FAM149B1: variants seen among roughly 807,000 people sequenced by gnomAD.
FAM149B1 encodes the protein family with sequence similarity 149 member B1.
In FAM149B1, 56 loss-of-function variants were observed where a neutral mutation model predicts 75.3. That is an observed-to-expected ratio of 0.74 (90% CI 0.60 to 0.93). The LOEUF (loss-of-function observed/expected upper bound fraction) is 0.93, where lower values mean the gene tolerates loss of function less well. Among genes scored for constraint, FAM149B1 ranks in the 40% least tolerant of loss-of-function variants. The probability of loss-of-function intolerance (pLI) is 0.00; values close to 1 mark genes in which losing one functional copy is unlikely to be tolerated. For missense variants in FAM149B1, 639 were observed against 708.4 expected (o/e 0.90, Z 1.11); for synonymous variants, 259 against 256.1 (o/e 1.01, Z -0.11).
At position 73,204,801 on chromosome 10, in the gene FAM149B1, G is replaced by T. The variant is rs1277713656; in HGVS notation, c.543-3818G>T. On this transcript the variant is annotated intron_variant, in intron 5 of 13. Coordinates refer to ENST00000242505, the MANE Select transcript of FAM149B1 (RefSeq NM_173348.2). ...TTTTTTTTTTTTTTTTTTTTGAGAC[G>T]GAGTCTCGCTCTGACGCCCAGGCTG... Among the ~76,000 whole-genome samples the T allele has an allele frequency of 2.0e-4, 26 of 127,306 alleles. No individual in the cohort carries two copies. In the East Asian group the frequency reaches 5.7e-3, roughly 28 times the overall value. The allele number at this position is 127,306 out of a possible 152,430, so 83.5% of individuals were successfully genotyped here.
In FAM149B1 at chr10:73,244,313, T is replaced by G. The variant is rs889465416; in HGVS notation, c.*3294T>G. ...GAGTTCAAGACCTGCCTGGGTAACA[T>G]AGTGAGACCTCAGTTCTATAAAAAA... On this transcript the variant is annotated 3_prime_UTR_variant, in exon 14 of 14. Transcript: ENST00000242505. 5.6e-6 allele frequency: 1 copy of G among 179,224 alleles called. No individual in the cohort carries two copies. The highest frequency in any genetic ancestry group is 1.2e-5 in the Non-Finnish European group (1 of 85,882). 11.1% of individuals were successfully genotyped at this position (179,224 alleles called of 1,614,324 possible). A position where few individuals can be genotyped will look rare whatever the true frequency, so the allele number is the denominator to read the frequency against.
At chr10:73,240,480 A>C (rs2043917861) in intron 13 of FAM149B1, among the ~76,000 whole-genome samples, 3 of 152,192 alleles carry the variant, frequency 2.0e-5, no homozygotes, top group Non-Finnish European at 4.4e-5. Context: ...TCGGAGGCCA[A>C]GGCGGGCGGA....
intron 13 of FAM149B1, among the ~76,000 whole-genome samples, chr10:73,240,735 G>A (rs1451025789): frequency 1.3e-5 from 2 of 151,448 alleles, no homozygotes; most frequent in Non-Finnish European, 2.9e-5. Context: ...AAAAACCTCA[G>A]GTATAACTTA....
In FAM149B1 at chr10:73,243,294, C is replaced by T. The variant is rs1478473128; in HGVS notation, c.*2275C>T. On this transcript the variant is annotated 3_prime_UTR_variant, in exon 14 of 14. Transcript: ENST00000242505. The stretch of plus-strand genomic sequence containing the variant: ...ATCTGAAAAATTCAGGCTGGAAAGA[C>T]ACCTTTTCTCAAGAGCTGAATTGAC... 3 of 1,297,428 alleles carry T rather than the reference C, an allele frequency of 2.3e-6. No homozygotes were observed. Among genetic ancestry groups the T allele is most frequent in the Non-Finnish European group, 3.2e-6 (3 of 932,474 alleles). 80.4% of individuals were successfully genotyped at this position (1,297,428 alleles called of 1,614,324 possible).
intron 1 of FAM149B1, chr10:73,169,107 A>C (rs1843587685): frequency 6.6e-6 from 1 of 150,740 alleles, no homozygotes; most frequent in South Asian, 2.1e-4. Context: ...TGAGGCCAGG[A>C]GTTCGAGACC....
rs1564719828 is a variant in FAM149B1, at chr10:73,239,325, A to G, written c.1616A>G (p.Tyr539Cys). The G allele has an allele frequency of 6.4e-7, 1 of 1,551,664 alleles. No homozygotes were observed. The highest frequency in any genetic ancestry group is 1.4e-5 in the African/African-American group (1 of 73,160). Residue 539 changes from tyrosine to cysteine, a missense_variant, in exon 13 of 14, where the codon TAT becomes TGT. By Grantham distance (194) the Tyr-to-Cys change is radical. Transcript: ENST00000242505. ...TTQSFLLDTQ[Y>C]RRSCAVEYPH... Reference sequence around the variant, plus strand: ...TTTGTCTTGTAGCTGGATACACAGTATCGTCGCTCATGTGCAGTTGAGTAT... The same window carrying G: ...TTTGTCTTGTAGCTGGATACACAGTGTCGTCGCTCATGTGCAGTTGAGTAT...
chr10:73,169,230 C>T (rs1011558344), intron 1 of FAM149B1, among the ~76,000 whole-genome samples: 3 of 151,222 alleles, frequency 2.0e-5, no homozygotes, highest in African/African-American at 7.3e-5. Flanking sequence ...GAGGATGAGG[C>T]AGGAGAATCA....
At position 73,243,164 on chromosome 10, in the gene FAM149B1, T is replaced by G. The variant is rs2043972972; in HGVS notation, c.*2145T>G. The G allele has an allele frequency of 2.1e-6, 1 of 477,174 alleles. No homozygotes were observed. The highest frequency in any genetic ancestry group is 2.0e-5 in the African/African-American group (1 of 50,604). 29.6% of individuals were successfully genotyped at this position (477,174 alleles called of 1,614,324 possible). A position where few individuals can be genotyped will look rare whatever the true frequency, so the allele number is the denominator to read the frequency against. ...GGAAGGACACTGCCTCCCTCCACCC[T>G]CCCAAATGTCACCACCAAGTTCCTT... is the stretch of plus-strand genomic sequence containing the variant. On this transcript the variant is annotated 3_prime_UTR_variant, in exon 14 of 14. Coordinates refer to ENST00000242505, the MANE Select transcript of FAM149B1 (RefSeq NM_173348.2).
At chr10:73,228,684 G>A (rs1000998683) in intron 8 of FAM149B1, among the ~76,000 whole-genome samples, 12 of 151,826 alleles carry the variant, frequency 7.9e-5, no homozygotes, top group African/African-American at 1.2e-4. Context: ...TGCAACCTCC[G>A]CCTCCCAGGT....
chr10:73,220,604 C>T (rs1401329504), intron 7 of FAM149B1, among the ~76,000 whole-genome samples: 2 of 152,186 alleles, frequency 1.3e-5, no homozygotes, highest in African/African-American at 4.8e-5. Context: ...ATGTTGAAAC[C>T]CTAACCCCCA....
At chr10:73,179,415 T>C (rs2042341385) in intron 3 of FAM149B1, among the ~76,000 whole-genome samples, 1 of 145,250 alleles carries the variant, frequency 6.9e-6, no homozygotes, top group Admixed American at 6.7e-5. Context: ...ATTGTTAGGC[T>C]CTTTCTTTCT....
intron 7 of FAM149B1, among the ~76,000 whole-genome samples, chr10:73,225,159 A>G (rs930464015): frequency 3.9e-4 from 60 of 152,242 alleles, no homozygotes; most frequent in African/African-American, 1.4e-3. Flanking sequence ...CGATTATGTT[A>G]CTGGTTTATG....
At chr10:73,200,592 A>T (rs2042912049) in intron 5 of FAM149B1, 3 of 712,716 alleles carry the variant, frequency 4.2e-6, no homozygotes, top group Non-Finnish European at 6.8e-6. Flanking sequence ...GGGTTTAAGG[A>T]TCAAATCTAT....
intron 1 of FAM149B1, among the ~76,000 whole-genome samples, chr10:73,173,291 G>A (rs1843794844): frequency 6.6e-6 from 1 of 152,082 alleles, no homozygotes; most frequent in East Asian, 1.9e-4. Context: ...AAATGACGTT[G>A]GTACAATACT....
At chr10:73,230,556 GTGTAAAA>G (rs2043666312) in intron 9 of FAM149B1, 31 bp downstream of exon 9, 2 of 1,223,602 alleles carry the variant, frequency 1.6e-6, no homozygotes, top group African/African-American at 3.0e-5. Context: ...AGACTATACA[GTGTAAAA>G]GGGAAACAGA....
intron 8 of FAM149B1, 97 bp downstream of exon 8, chr10:73,228,281 AAT>A (rs1216137491): frequency 1.4e-5 from 14 of 1,004,870 alleles, no homozygotes; most frequent in African/African-American, 8.0e-5. Context: ...TTTCTGACTC[AAT>A]ATGTTTTAGT....
intron 3 of FAM149B1, among the ~76,000 whole-genome samples, chr10:73,186,464 A>G (rs1360394751): frequency 1.3e-5 from 2 of 152,236 alleles, no homozygotes; most frequent in Non-Finnish European, 2.9e-5. Context: ...ACTTCTATTC[A>G]GCATTGTATT....
intron 7 of FAM149B1, 84 bp downstream of exon 7, chr10:73,210,522 T>C (rs1371087962): frequency 9.9e-7 from 1 of 1,012,896 alleles, no homozygotes; most frequent in African/African-American, 1.6e-5. Context: ...ATATGCTTCT[T>C]AGTGCAAAAG....
intron 7 of FAM149B1, among the ~76,000 whole-genome samples, chr10:73,211,547 G>A (rs951280245): frequency 1.3e-5 from 2 of 152,078 alleles, no homozygotes; most frequent in African/African-American, 4.8e-5. Flanking sequence ...GATCATAGTG[G>A]GTCTGACTTA....
Sources: allele counts gnomAD v4.1 joint callset (sites outside exome capture counted in the v4.1 genomes callset), GRCh38; gene constraint gnomAD v4.1.1; transcripts MANE v1.5; gene names NCBI Gene and HGNC (gene_info 2026-07-23, HGNC 2026-07-21).